The following SIL1 variants were observed in gnomAD, a reference collection of about 807,000 sequenced individuals.
SIL1 encodes the protein nucleotide exchange factor SIL1.
A neutral mutation model predicts 49.1 loss-of-function variants in SIL1; 40 were observed. That is an observed-to-expected ratio of 0.81 (90% CI 0.63 to 1.06). The LOEUF (loss-of-function observed/expected upper bound fraction) is 1.06, where lower values mean the gene tolerates loss of function less well. SIL1 is among the 50% of genes least tolerant of loss of function. The pLI is 0.00. For missense variants in SIL1, 500 were observed against 572.6 expected, an observed-to-expected ratio of 0.87 and a Z score of 1.29; for synonymous variants, 253 against 250.8, an observed-to-expected ratio of 1.01 and a Z score of -0.08.
At chr5:139,070,130 A>G (rs1444674609) in intron 3 of SIL1, among the ~76,000 whole-genome samples, 1 of 152,244 alleles carries the variant, frequency 6.6e-6, no homozygotes, top group Non-Finnish European at 1.5e-5. Context: ...ACAGCTGGTT[A>G]AGAACAATGA....
rs981496710 is a variant in SIL1 at position 139,137,520 on chromosome 5, AT to A, written c.-10-9668del. Reference sequence around the variant, plus strand: ...AGGCACATTTTGTGTCAGGACAGAAATTTTTTTTTTAATTTTATTATTATTA... The same window carrying A: ...AGGCACATTTTGTGTCAGGACAGAAATTTTTTTTTAATTTTATTATTATTA... On this transcript the variant is annotated intron_variant, in intron 1 of 9. Transcript: ENST00000394817. 1.3e-3 allele frequency: 661 copies of A among 504,468 alleles called. 2 individuals carry two copies. The highest frequency in any genetic ancestry group is 4.0e-3 in the African/African-American group (207 of 51,176). The allele number at this position is 504,468 out of a possible 1,614,324, so 31.2% of individuals were successfully genotyped here.
At chr5:138,983,979 C>G (rs1767592651) in intron 7 of SIL1, among the ~76,000 whole-genome samples, 1 of 152,182 alleles carries the variant, frequency 6.6e-6, no homozygotes, top group African/African-American at 2.4e-5. Context: ...AGGCTAAAAT[C>G]AAAGCTTCCT....
chr5:139,076,814 A>G (rs1012008978), intron 3 of SIL1, among the ~76,000 whole-genome samples: 12 of 152,134 alleles, frequency 7.9e-5, no homozygotes, highest in Non-Finnish European at 1.5e-4. Flanking sequence ...TGAGCAACAA[A>G]AGAGTCACCA....
chr5:139,038,255 T>G (rs918788551), intron 5 of SIL1, among the ~76,000 whole-genome samples: 1 of 152,240 alleles, frequency 6.6e-6, no homozygotes, highest in African/African-American at 2.4e-5. Context: ...GTTCTTGGTA[T>G]GAAAAGTAAT....
intron 3 of SIL1, among the ~76,000 whole-genome samples, chr5:139,092,611 G>C (rs1186447511): frequency 3.3e-5 from 5 of 152,180 alleles, no homozygotes; most frequent in African/African-American, 7.2e-5. Flanking sequence ...CCACAGGTAT[G>C]ATGGGCACCA....
intron 3 of SIL1, among the ~76,000 whole-genome samples, chr5:139,112,119 T>A (rs529504635): frequency 1.3e-5 from 2 of 152,242 alleles, no homozygotes; most frequent in African/African-American, 4.8e-5. Context: ...GGTGCCGGGA[T>A]TGCAGACGGA....
intron 1 of SIL1, among the ~76,000 whole-genome samples, chr5:139,154,217 C>T (rs1751363984): frequency 7.0e-6 from 1 of 142,434 alleles, no homozygotes; most frequent in East Asian, 1.9e-4. Context: ...AGGGACTGAG[C>T]CAAAATATCA....
chr5:139,072,804 A>G (rs1018857360), intron 3 of SIL1, among the ~76,000 whole-genome samples: 4 of 152,216 alleles, frequency 2.6e-5, no homozygotes, highest in African/African-American at 9.6e-5. Context: ...ATACTTGCAA[A>G]CTGTACATCT....
chr5:139,193,216 T>C (rs6865417), intron 1 of SIL1, among the ~76,000 whole-genome samples: 5,240 of 152,102 alleles, frequency 0.034, 304 homozygotes, highest in African/African-American at 0.12. Context: ...TTTGTGGCCA[T>C]CCAAAGGGCC....
rs75972742 is a variant in SIL1, at chr5:139,050,758, A to C, written c.353+180T>G. On this transcript the variant is annotated intron_variant, in intron 4 of 9. Coordinates refer to ENST00000394817, the MANE Select transcript of SIL1 (RefSeq NM_022464.5). ...AAAGTATCAATTTGCTTTGCAAACT[A>C]TCTCTTTCCAAAGACTGTAGAAGTA... 9.8e-5 allele frequency among the ~76,000 whole-genome samples: 15 copies of C among 152,362 alleles called. No homozygotes were observed. The East Asian group carries it at 2.9e-3, about 29-fold the overall frequency.
chr5:139,048,369 G>GTT (rs35482601), intron 4 of SIL1, among the ~76,000 whole-genome samples: 683 of 87,642 alleles, frequency 7.8e-3, no homozygotes, highest in African/African-American at 0.013. Context: ...TTTGTTGTTG[G>GTT]TTTTTTTTTT....
In SIL1 at chr5:139,104,669, G is replaced by A. The variant is rs77700242; in HGVS notation, c.244+16366C>T. On this transcript the variant is annotated intron_variant, in intron 3 of 9. Transcript: ENST00000394817. ...CATATCAACATAATGACAGACACAA[G>A]GACACCTGTATATCCAGATCCTTGA... 5.8e-3 allele frequency among the ~76,000 whole-genome samples: 886 copies of A among 152,262 alleles called. 3 individuals carry two copies. The highest frequency in any genetic ancestry group is 0.02 in the African/African-American group (845 of 41,550).
Position 139,026,824 on chromosome 5 carries a change from C to T in SIL1, c.622G>A (p.Asp208Asn), listed in dbSNP as rs1422676640. 2.5e-6 allele frequency: 4 copies of T among 1,613,934 alleles called. No homozygotes were observed. In the African/African-American group the frequency reaches 5.3e-5, roughly 22 times the overall value. Residue 208 changes from aspartate to asparagine, a missense_variant, in exon 6 of 10, where the codon GAT (aspartate) becomes AAT (asparagine). By Grantham distance (23) the Asp-to-Asn change is conservative. Transcript: ENST00000394817. ...SLEEKIAALF[D>N]LEYYVHQMDN... ...ACCTGATGGACATAATATTCAAGAT[C>T]AAAGAGCGCAGCAATCTTCTCTTCC...
intron 4 of SIL1, among the ~76,000 whole-genome samples, chr5:139,044,689 T>G (rs1000241363): frequency 2.6e-5 from 4 of 152,156 alleles, no homozygotes; most frequent in Admixed American, 6.5e-5. Flanking sequence ...CGCAGTTGCC[T>G]TTACAAAAGC....
chr5:139,177,916 G>A (rs183022958), intron 1 of SIL1, among the ~76,000 whole-genome samples: 1 of 152,316 alleles, frequency 6.6e-6, no homozygotes, highest in East Asian at 1.9e-4. Context: ...TTGCTAACTT[G>A]GCACATCACA....
At chr5:139,104,531 T>TTCCTC (rs1469615816) in intron 3 of SIL1, among the ~76,000 whole-genome samples, 1 of 152,174 alleles carries the variant, frequency 6.6e-6, no homozygotes, top group Non-Finnish European at 1.5e-5. Flanking sequence ...AATGCCCCTT[T>TTCCTC]TCCTCTCCTC....
Position 138,969,298 on chromosome 5 carries a change from A to G in SIL1, c.768-17414T>C, listed in dbSNP as rs1456879638. Among the ~76,000 whole-genome samples, 3 of 152,254 alleles carry G rather than the reference A, an allele frequency of 2.0e-5. 1 individual carries two copies. Among genetic ancestry groups the G allele is most frequent in the South Asian group, 4.1e-4 (2 of 4,822 alleles). ...CCAGCCATGGCAGGACAGTCCACAGATATGTCCCCAGGTGGCCACTGTCAC... is the reference window on the plus strand; with the variant it reads ...CCAGCCATGGCAGGACAGTCCACAGGTATGTCCCCAGGTGGCCACTGTCAC... On this transcript the variant is annotated intron_variant, in intron 7 of 9. Coordinates refer to ENST00000394817, the MANE Select transcript of SIL1 (RefSeq NM_022464.5).
At chr5:139,082,028 G>T (rs983328547) in intron 3 of SIL1, among the ~76,000 whole-genome samples, 1 of 152,178 alleles carries the variant, frequency 6.6e-6, no homozygotes, top group Non-Finnish European at 1.5e-5. Context: ...AAGAAATCTA[G>T]CATTACAAAT....
chr5:139,103,225 C>G (rs1484454983), intron 3 of SIL1, among the ~76,000 whole-genome samples: 1 of 152,224 alleles, frequency 6.6e-6, no homozygotes, highest in Non-Finnish European at 1.5e-5. Flanking sequence ...ATCCCTTTCT[C>G]TCCTATCTCT....
Sources: allele counts gnomAD v4.1 joint callset (sites outside exome capture counted in the v4.1 genomes callset), GRCh38; gene constraint gnomAD v4.1.1; transcripts MANE v1.5; gene names NCBI Gene and HGNC (gene_info 2026-07-23, HGNC 2026-07-21).